PTPRG: variants seen among roughly 807,000 people sequenced by gnomAD.
PTPRG encodes receptor-type tyrosine-protein phosphatase gamma.
Under a neutral mutation model 165.3 loss-of-function variants are expected in PTPRG, and 102 were observed. The ratio of observed to expected loss-of-function variants is 0.62; its 90% CI spans 0.53 to 0.73. The LOEUF (loss-of-function observed/expected upper bound fraction) is 0.73, where lower values mean the gene tolerates loss of function less well. Among genes scored for constraint, PTPRG ranks in the 30% least tolerant of loss-of-function variants. The pLI, the probability that PTPRG is intolerant of heterozygous loss-of-function variation, is 0.00. For missense variants in PTPRG, 1,866 were observed against 1,861.4 expected (o/e 1.00, Z -0.05); for synonymous variants, 675 against 669.5 (o/e 1.01, Z -0.13).
chr3:61,773,498 G>T lies in PTPRG; in HGVS notation c.190+24516G>T, dbSNP rs1434478782. Among the ~76,000 whole-genome samples, 3 of 152,130 alleles carry T rather than the reference G, an allele frequency of 2.0e-5. No homozygotes were observed. The East Asian group carries it at 5.8e-4, about 29-fold the overall frequency. On this transcript the variant is annotated intron_variant, in intron 2 of 29. Transcript: ENST00000474889. ...TGTGGCCAAAATAAAAGACTTTTGG[G>T]ATTGGACATGGTTATTGGATAAATA...
chr3:61,940,652 TATTTATTTATTTATTTA>T (rs151281073), intron 2 of PTPRG, among the ~76,000 whole-genome samples: 32,764 of 149,032 alleles, frequency 0.22, 4,051 homozygotes, highest in East Asian at 0.5. Flanking sequence ...TAGATGCTTT[TATTTATTTATTTATTTA>T]TTTTTTATTT....
Position 61,581,308 on chromosome 3 carries a change from C to A in PTPRG, c.85+18936C>A, listed in dbSNP as rs115075749. On this transcript the variant is annotated intron_variant, in intron 1 of 29. Transcript: ENST00000474889. ...CCTGTTAATTAGTTCCAGACACTAG[C>A]TAATCAGACTCAAGTGTAAAAGCTC... Among the ~76,000 whole-genome samples, 1,177 of 152,278 alleles carry A rather than the reference C, an allele frequency of 7.7e-3. 17 individuals are homozygous for A. The highest frequency in any genetic ancestry group is 0.026 in the African/African-American group (1,092 of 41,548).
chr3:61,956,115 T>G lies in PTPRG; in HGVS notation c.191-33510T>G, dbSNP rs187246838. ...TTATATATATATATATATGAAAAAT[T>G]GACTTTTCTGTCTTTTAGTTGTATG... On this transcript the variant is annotated intron_variant, in intron 2 of 29. Transcript: ENST00000474889. 1.5e-3 allele frequency among the ~76,000 whole-genome samples: 229 copies of G among 151,046 alleles called. 1 individual carries two copies. The highest frequency in any genetic ancestry group is 6.1e-3 in the South Asian group (29 of 4,752).
intron 1 of PTPRG, among the ~76,000 whole-genome samples, chr3:61,681,075 AAAG>A (rs1553648898): frequency 2.7e-5 from 4 of 150,306 alleles, no homozygotes; most frequent in South Asian, 4.2e-4. Flanking sequence ...AAAAAAAAAA[AAAG>A]AAGAAGAAAG....
chr3:62,282,097 T>TA (rs1186742730), intron 27 of PTPRG, among the ~76,000 whole-genome samples: 1 of 152,082 alleles, frequency 6.6e-6, no homozygotes, highest in African/African-American at 2.4e-5. Context: ...GGGGCTCTTA[T>TA]ATTAGTAATT....
intron 2 of PTPRG, among the ~76,000 whole-genome samples, chr3:61,831,305 T>C (rs1167581338): frequency 6.6e-6 from 1 of 152,222 alleles, no homozygotes; most frequent in Non-Finnish European, 1.5e-5. Flanking sequence ...AATACCCATT[T>C]ATGGTGAAGA....
intron 2 of PTPRG, among the ~76,000 whole-genome samples, chr3:61,753,208 T>A (rs941619836): frequency 1.3e-5 from 2 of 152,202 alleles, no homozygotes; most frequent in Non-Finnish European, 2.9e-5. Flanking sequence ...AACATAAATA[T>A]AAGTTATTGT....
chr3:61,869,095 C>T (rs974245401), intron 2 of PTPRG, among the ~76,000 whole-genome samples: 1 of 152,130 alleles, frequency 6.6e-6, no homozygotes, highest in African/African-American at 2.4e-5. Flanking sequence ...TATTTTAACT[C>T]TGAGGGATTT....
At chr3:61,924,979 G>A (rs995703065) in intron 2 of PTPRG, among the ~76,000 whole-genome samples, 2 of 152,202 alleles carry the variant, frequency 1.3e-5, no homozygotes, top group Non-Finnish European at 2.9e-5. Context: ...ATATCTGCAA[G>A]CCAGGAAGGT....
At chr3:62,136,179 G>A (rs1023538841) in intron 6 of PTPRG, among the ~76,000 whole-genome samples, 8 of 152,254 alleles carry the variant, frequency 5.3e-5, no homozygotes, top group South Asian at 2.1e-4. Flanking sequence ...CATTCTGTCC[G>A]TAGTTACTGA....
intron 14 of PTPRG, among the ~76,000 whole-genome samples, chr3:62,241,106 AT>A (rs1214982336): frequency 1.3e-5 from 2 of 151,998 alleles, no homozygotes; most frequent in South Asian, 2.1e-4. Flanking sequence ...TTTTTAATTG[AT>A]TTTTTTCTTT....
At position 62,205,784 on chromosome 3, in the gene PTPRG, T is replaced by C. The variant is rs9863657; in HGVS notation, c.2155+1834T>C. Among the ~76,000 whole-genome samples the C allele has an allele frequency of 8.8e-3, 1,346 of 152,276 alleles. 15 individuals carry two copies. Among genetic ancestry groups the C allele is most frequent in the African/African-American group, 0.031 (1,291 of 41,532 alleles). ...TGGAGGTGCTCTGGAAAGGTACTCG[T>C]TGACCACGCTGAGGATTTCCTTCTA... On this transcript the variant is annotated intron_variant, in intron 12 of 29. Coordinates refer to ENST00000474889, the MANE Select transcript of PTPRG (RefSeq NM_002841.4).
chr3:62,129,575 A>T (rs973180955), intron 5 of PTPRG, among the ~76,000 whole-genome samples: 2 of 152,170 alleles, frequency 1.3e-5, no homozygotes, highest in African/African-American at 4.8e-5. Context: ...AGGGGGTTGC[A>T]AGGGGGCCAA....
At chr3:62,134,587 T>C (rs1474435365) in intron 6 of PTPRG, among the ~76,000 whole-genome samples, 1 of 152,206 alleles carries the variant, frequency 6.6e-6, no homozygotes, top group Non-Finnish European at 1.5e-5. Flanking sequence ...AAGTATCCTA[T>C]CAAATTATTC....
intron 28 of PTPRG, among the ~76,000 whole-genome samples, chr3:62,291,697 T>A (rs968371385): frequency 9.9e-5 from 15 of 152,182 alleles, no homozygotes; most frequent in Non-Finnish European, 7.3e-5. Context: ...AGCAACATCA[T>A]CTTGAACAAT....
chr3:61,707,107 A>G (rs908297829), intron 1 of PTPRG, among the ~76,000 whole-genome samples: 1 of 152,190 alleles, frequency 6.6e-6, no homozygotes, highest in African/African-American at 2.4e-5. Context: ...ATAGTTTTCC[A>G]TAGTATAAAT....
intron 2 of PTPRG, among the ~76,000 whole-genome samples, chr3:61,867,316 G>T (rs1357673145): frequency 2.0e-5 from 3 of 152,142 alleles, no homozygotes; most frequent in Non-Finnish European, 4.4e-5. Flanking sequence ...AGTGAGAATG[G>T]TTAAATGGGT....
intron 5 of PTPRG, among the ~76,000 whole-genome samples, chr3:62,091,524 C>T (rs561341950): frequency 1.3e-5 from 2 of 152,230 alleles, no homozygotes; most frequent in East Asian, 1.9e-4. Context: ...TAAAAGGGCC[C>T]TATAAGATTT....
At chr3:61,852,942 T>G (rs569071172) in intron 2 of PTPRG, among the ~76,000 whole-genome samples, 4 of 152,332 alleles carry the variant, frequency 2.6e-5, no homozygotes, top group African/African-American at 9.6e-5. Flanking sequence ...AAAGTAGACA[T>G]TGATTGCCAC....
Sources: allele counts gnomAD v4.1 joint callset (sites outside exome capture counted in the v4.1 genomes callset), GRCh38; gene constraint gnomAD v4.1.1; transcripts MANE v1.5; gene names NCBI Gene and HGNC (gene_info 2026-07-23, HGNC 2026-07-21).